The following CADM2 variants were observed in gnomAD, a reference collection of about 807,000 sequenced individuals.
CADM2 encodes the protein immunoglobulin superfamily member 4D.
CADM2 carries 12 observed loss-of-function variants against 49.8 expected under a neutral mutation model. That is an observed-to-expected ratio of 0.24 (90% CI 0.15 to 0.39). The LOEUF (loss-of-function observed/expected upper bound fraction) is 0.39, where lower values mean the gene tolerates loss of function less well. Ranked by LOEUF, CADM2 falls within the 10% of genes least tolerant of loss-of-function variation. CADM2 has a pLI of 1.00. For missense variants in CADM2, 378 were observed against 492.3 expected, an observed-to-expected ratio of 0.77 and a Z score of 2.20; for synonymous variants, 214 against 175.4, an observed-to-expected ratio of 1.22 and a Z score of -1.74.
At chr3:85,193,653 A>G (rs908394766) in intron 1 of CADM2, among the ~76,000 whole-genome samples, 1 of 151,952 alleles carries the variant, frequency 6.6e-6, no homozygotes, top group Non-Finnish European at 1.5e-5. Flanking sequence ...TTCCTACCCT[A>G]GGTTTTTACA....
At chr3:85,888,491 A>T (rs568461584) in intron 5 of CADM2, among the ~76,000 whole-genome samples, 1 of 152,308 alleles carries the variant, frequency 6.6e-6, no homozygotes, top group Admixed American at 6.5e-5. Flanking sequence ...CAGAATCAGA[A>T]TATGGTTCTA....
intron 1 of CADM2, among the ~76,000 whole-genome samples, chr3:85,007,859 T>G (rs1345446523): frequency 6.6e-6 from 1 of 152,164 alleles, no homozygotes; most frequent in African/African-American, 2.4e-5. Flanking sequence ...GACAAATCTG[T>G]GTTAGAAAAT....
intron 1 of CADM2, among the ~76,000 whole-genome samples, chr3:85,466,616 A>G (rs1018570098): frequency 1.3e-5 from 2 of 152,218 alleles, no homozygotes; most frequent in African/African-American, 2.4e-5. Context: ...TTAATGCTAT[A>G]TGAAATCATG....
intron 1 of CADM2, among the ~76,000 whole-genome samples, chr3:85,296,579 A>G (rs2043970178): frequency 6.6e-6 from 1 of 152,072 alleles, no homozygotes; most frequent in Admixed American, 6.6e-5. Context: ...AGAAACACAG[A>G]TATATTAATA....
At chr3:85,421,161 A>G (rs922412535) in intron 1 of CADM2, among the ~76,000 whole-genome samples, 12 of 152,190 alleles carry the variant, frequency 7.9e-5, no homozygotes. Context: ...TTTAGGCTGC[A>G]AGACAGGCAG....
At chr3:85,813,500 G>A (rs7620339) in intron 3 of CADM2, among the ~76,000 whole-genome samples, 29,820 of 150,500 alleles carry the variant, frequency 0.2, 3,183 homozygotes, top group African/African-American at 0.22. Flanking sequence ...TGTAGGTTGC[G>A]TGATTATAGT....
intron 1 of CADM2, among the ~76,000 whole-genome samples, chr3:85,027,350 G>A (rs1048952451): frequency 2.6e-5 from 4 of 151,612 alleles, no homozygotes; most frequent in African/African-American, 4.8e-5. Flanking sequence ...TCCGGACTTC[G>A]TGATCCCACC....
chr3:85,368,092 A>G (rs1278821192), intron 1 of CADM2, among the ~76,000 whole-genome samples: 6 of 152,078 alleles, frequency 3.9e-5, no homozygotes, highest in African/African-American at 1.2e-4. Context: ...CTTAGCAAAG[A>G]TATCTTTCCA....
At chr3:85,338,200 T>A (rs2045142552) in intron 1 of CADM2, among the ~76,000 whole-genome samples, 1 of 151,604 alleles carries the variant, frequency 6.6e-6, no homozygotes, top group African/African-American at 2.4e-5. Context: ...ATCAGCTGGT[T>A]ACATATAAGC....
At chr3:85,249,337 C>T (rs368311264) in intron 1 of CADM2, among the ~76,000 whole-genome samples, 10 of 152,104 alleles carry the variant, frequency 6.6e-5, no homozygotes, top group African/African-American at 2.4e-4. Context: ...TGTAAAGAAA[C>T]TTACTAACTA....
chr3:85,381,655 A>G (rs961029404), intron 1 of CADM2, among the ~76,000 whole-genome samples: 1 of 151,550 alleles, frequency 6.6e-6, no homozygotes, highest in African/African-American at 2.4e-5. Flanking sequence ...AGATATGATT[A>G]TAATAATAAA....
chr3:85,837,962 C>T (rs2074477556), intron 3 of CADM2, among the ~76,000 whole-genome samples: 1 of 151,752 alleles, frequency 6.6e-6, no homozygotes, highest in South Asian at 2.1e-4. Flanking sequence ...CTGTTATAAG[C>T]ACACCAATAT....
At chr3:85,440,718 C>T (rs754115650) in intron 1 of CADM2, among the ~76,000 whole-genome samples, 96 of 141,524 alleles carry the variant, frequency 6.8e-4, no homozygotes, top group Non-Finnish European at 1.3e-3. Context: ...TATCATGGCT[C>T]ACGTCTGTAA....
At chr3:85,898,967 T>A (rs1170565739) in intron 5 of CADM2, among the ~76,000 whole-genome samples, 34 of 42,506 alleles carry the variant, frequency 8.0e-4, no homozygotes, top group East Asian at 2.2e-3. Context: ...TTTTTTTTTT[T>A]TTTTTTTTTT....
At chr3:85,088,510 T>C (rs1433705959) in intron 1 of CADM2, among the ~76,000 whole-genome samples, 1 of 152,142 alleles carries the variant, frequency 6.6e-6, no homozygotes, top group Non-Finnish European at 1.5e-5. Flanking sequence ...TTTATTTTTC[T>C]GGCATATAAG....
intron 8 of CADM2, among the ~76,000 whole-genome samples, chr3:85,977,554 G>A (rs1726948854): frequency 6.6e-6 from 1 of 151,438 alleles, no homozygotes; most frequent in Non-Finnish European, 1.5e-5. Context: ...TTTAAATTTA[G>A]AAAATGTTTT....
chr3:85,642,337 A>G (rs184790659), intron 1 of CADM2, among the ~76,000 whole-genome samples: 16 of 152,370 alleles, frequency 1.1e-4, no homozygotes, highest in African/African-American at 3.6e-4. Context: ...AAAAATAGCA[A>G]CTAAAAAGTA....
Position 85,716,036 on chromosome 3 carries a change from GGGT to G in CADM2, c.62-10485_62-10483del, listed in dbSNP as rs1299451917. On this transcript the variant is annotated intron_variant, in intron 1 of 9. Coordinates refer to ENST00000383699, the MANE Select transcript of CADM2 (RefSeq NM_001167675.2). ...GTATATACCCAGTAATGGGATTGCT[GGGT>G]CAAATGGTATTTCTAGTTCTAGATC... Among the ~76,000 whole-genome samples, 10 of 152,256 alleles carry G rather than the reference GGGT, an allele frequency of 6.6e-5. No homozygotes were observed. In the South Asian group the frequency reaches 2.1e-3, roughly 32 times the overall value.
At chr3:85,426,155 G>C (rs1359884140) in intron 1 of CADM2, among the ~76,000 whole-genome samples, 1 of 144,968 alleles carries the variant, frequency 6.9e-6, no homozygotes, top group Admixed American at 6.9e-5. Flanking sequence ...TTTTTTTTAT[G>C]TTTTGAGACT....
Sources: gnomAD v4.1 joint callset for allele counts (sites outside exome capture counted in the v4.1 genomes callset) on GRCh38, gnomAD v4.1.1 for gene constraint, MANE v1.5 for transcripts, NCBI Gene and HGNC (gene_info 2026-07-23, HGNC 2026-07-21) for gene names.